The following SCFD2 variants were observed in gnomAD, a reference collection of about 807,000 sequenced individuals.
The protein encoded by SCFD2 is sec1 family domain-containing protein 2.
In SCFD2, 54 loss-of-function variants were observed where a neutral mutation model predicts 58.9. The observed-to-expected ratio is 0.92, with a 90% CI of 0.74 to 1.15. The LOEUF is 1.15. Among genes scored for constraint, SCFD2 ranks in the 50% most tolerant of loss-of-function variants. SCFD2 has a pLI of 0.00. For missense variants in SCFD2, 805 were observed against 836.6 expected, an observed-to-expected ratio of 0.96 and a Z score of 0.47; for synonymous variants, 321 against 335.9, an observed-to-expected ratio of 0.96 and a Z score of 0.49.
intron 4 of SCFD2, among the ~76,000 whole-genome samples, chr4:53,163,733 AG>A (rs1726922371): frequency 6.6e-6 from 1 of 152,116 alleles, no homozygotes; most frequent in African/African-American, 2.4e-5. Context: ...CCGTCTTGGC[AG>A]GGGTCAGAGG....
chr4:53,003,955 AG>A (rs1258431440), intron 5 of SCFD2, among the ~76,000 whole-genome samples: 1 of 152,248 alleles, frequency 6.6e-6, no homozygotes, highest in Non-Finnish European at 1.5e-5. Flanking sequence ...GTAAACAAAA[AG>A]CATGCCCTCC....
intron 4 of SCFD2, among the ~76,000 whole-genome samples, chr4:53,160,131 A>T (rs1244925867): frequency 1.3e-5 from 2 of 152,250 alleles, no homozygotes; most frequent in Non-Finnish European, 2.9e-5. Context: ...CAATGGAAAC[A>T]GAAGAGTGGT....
At chr4:52,997,400 ATAGAAAGG>A (rs1392214200) in intron 5 of SCFD2, among the ~76,000 whole-genome samples, 1 of 152,220 alleles carries the variant, frequency 6.6e-6, no homozygotes, top group East Asian at 1.9e-4. Context: ...CGTGGCAGGA[ATAGAAAGG>A]CGAAAAAGCC....
At chr4:53,202,842 T>G (rs1033688290) in intron 4 of SCFD2, among the ~76,000 whole-genome samples, 4 of 152,304 alleles carry the variant, frequency 2.6e-5, no homozygotes, top group Admixed American at 6.5e-5. Flanking sequence ...GTTATTGGTG[T>G]ATAAGAATGC....
chr4:53,353,411 C>T (rs1415512684), intron 1 of SCFD2, among the ~76,000 whole-genome samples: 1 of 152,160 alleles, frequency 6.6e-6, no homozygotes, highest in South Asian at 2.1e-4. Context: ...ATATTTATTG[C>T]AGAGAGCAAA....
At chr4:53,105,297 T>C (rs1417671603) in intron 5 of SCFD2, among the ~76,000 whole-genome samples, 6 of 151,842 alleles carry the variant, frequency 4.0e-5, no homozygotes, top group Non-Finnish European at 8.8e-5. Context: ...AGGAGTTTTT[T>C]TTCATACCCC....
At chr4:53,001,336 G>A (rs1349695318) in intron 5 of SCFD2, among the ~76,000 whole-genome samples, 1 of 152,210 alleles carries the variant, frequency 6.6e-6, no homozygotes, top group Non-Finnish European at 1.5e-5. Flanking sequence ...TTACACTGAA[G>A]AATTTACATT....
At chr4:53,167,311 T>C (rs994945248) in intron 4 of SCFD2, among the ~76,000 whole-genome samples, 6 of 152,202 alleles carry the variant, frequency 3.9e-5, no homozygotes, top group African/African-American at 1.4e-4. Context: ...ATTTTCTCAT[T>C]AGGCTAATGT....
At chr4:53,294,701 TG>T (rs1331309252) in intron 3 of SCFD2, among the ~76,000 whole-genome samples, 2 of 152,224 alleles carry the variant, frequency 1.3e-5, no homozygotes, top group Admixed American at 6.5e-5. Context: ...GTTTTAGACA[TG>T]AAGTCTTTGA....
rs1305540868 is a variant in SCFD2 at position 53,329,294 on chromosome 4, G to A, written c.1008-15531C>T. Among the ~76,000 whole-genome samples, 16 of 152,260 alleles carry A rather than the reference G, an allele frequency of 1.1e-4. No homozygotes were observed. The East Asian group carries it at 2.5e-3, about 24-fold the overall frequency. On this transcript the variant is annotated intron_variant, in intron 2 of 8. Transcript: ENST00000401642. ...TGTAGGCTTCACCTCTGGGGGCAGG[G>A]CACAGACAAACAAAAAGACAGCAGT...
chr4:53,348,035 T>G (rs1469372396), intron 2 of SCFD2, among the ~76,000 whole-genome samples: 2 of 152,146 alleles, frequency 1.3e-5, no homozygotes, highest in African/African-American at 4.8e-5. Flanking sequence ...GAGGAAAACA[T>G]AAAAGCAGAA....
At chr4:53,026,531 C>T (rs1418260881) in intron 5 of SCFD2, among the ~76,000 whole-genome samples, 1 of 152,148 alleles carries the variant, frequency 6.6e-6, no homozygotes. Context: ...AAATGGGAAA[C>T]AAGGATATCA....
chr4:53,062,386 A>T (rs1723539652), intron 5 of SCFD2, among the ~76,000 whole-genome samples: 1 of 113,908 alleles, frequency 8.8e-6, no homozygotes, highest in Non-Finnish European at 1.9e-5. Flanking sequence ...AAATACGTAC[A>T]ATAACAATAA....
intron 5 of SCFD2, among the ~76,000 whole-genome samples, chr4:52,923,017 C>A (rs1033852711): frequency 1.3e-5 from 2 of 152,176 alleles, no homozygotes; most frequent in Non-Finnish European, 2.9e-5. Context: ...CCAGAAGCAT[C>A]CAAAAGAATC....
intron 2 of SCFD2, among the ~76,000 whole-genome samples, chr4:53,345,355 A>G (rs1259340023): frequency 3.3e-5 from 5 of 152,252 alleles, no homozygotes; most frequent in Non-Finnish European, 5.9e-5. Flanking sequence ...AATGTTCATT[A>G]TCACTTGTCA....
chr4:53,060,718 T>C (rs1723486161), intron 5 of SCFD2, among the ~76,000 whole-genome samples: 1 of 152,244 alleles, frequency 6.6e-6, no homozygotes, highest in Admixed American at 6.5e-5. Context: ...ATATGTACTT[T>C]TGTTGTTTTT....
intron 5 of SCFD2, among the ~76,000 whole-genome samples, chr4:53,049,417 C>T (rs1236051738): frequency 1.3e-5 from 2 of 152,242 alleles, no homozygotes; most frequent in Non-Finnish European, 2.9e-5. Context: ...GTGCTATTCA[C>T]TGTGCTATGC....
At chr4:53,113,068 C>T (rs145175266) in intron 5 of SCFD2, among the ~76,000 whole-genome samples, 10 of 152,142 alleles carry the variant, frequency 6.6e-5, no homozygotes, top group African/African-American at 2.4e-4. Context: ...TTTACTCTAC[C>T]ACGTTAGTCA....
intron 5 of SCFD2, among the ~76,000 whole-genome samples, chr4:52,971,318 T>G (rs1443769352): frequency 6.6e-6 from 1 of 152,088 alleles, no homozygotes; most frequent in Non-Finnish European, 1.5e-5. Context: ...AGAGAAGTCC[T>G]TAAAGGACCT....
Sources: gnomAD v4.1 joint callset for allele counts (sites outside exome capture counted in the v4.1 genomes callset) on GRCh38, gnomAD v4.1.1 for gene constraint, MANE v1.5 for transcripts, NCBI Gene and HGNC (gene_info 2026-07-23, HGNC 2026-07-21) for gene names.